Variants in DPP10 observed in about 807,000 individuals in gnomAD.
DPP10 encodes the protein inactive dipeptidyl peptidase 10.
DPP10 carries 33 observed loss-of-function variants against 120.9 expected under a neutral mutation model. The ratio of observed to expected loss-of-function variants is 0.27; its 90% confidence interval spans 0.21 to 0.37. DPP10 has a LOEUF of 0.37. Ranked by LOEUF, DPP10 falls within the 10% of genes least tolerant of loss-of-function variation. The pLI is 1.00. For missense variants in DPP10, 816 were observed against 942.8 expected (o/e 0.87, Z 1.76); for synonymous variants, 337 against 326.1 (o/e 1.03, Z -0.36).
chr2:115,764,357 A>G (rs529680085), intron 12 of DPP10, among the ~76,000 whole-genome samples: 1 of 152,092 alleles, frequency 6.6e-6, no homozygotes, highest in Non-Finnish European at 1.5e-5. Context: ...TTACGAGTAT[A>G]TGTGTCTTTG....
intron 1 of DPP10, among the ~76,000 whole-genome samples, chr2:115,112,207 A>C (rs11903766): frequency 0.36 from 54,113 of 151,916 alleles, 10,797 homozygotes; most frequent in Non-Finnish European, 0.44. Context: ...TATTTTTTCC[A>C]TTAAAATAAT....
At chr2:114,679,256 A>C (rs1371922658) in intron 1 of DPP10, among the ~76,000 whole-genome samples, 1 of 152,116 alleles carries the variant, frequency 6.6e-6, no homozygotes, top group East Asian at 1.9e-4. Context: ...GTTGTAATAC[A>C]AAAAAGCCTC....
chr2:115,430,165 C>T (rs780147061), intron 3 of DPP10, among the ~76,000 whole-genome samples: 1 of 152,020 alleles, frequency 6.6e-6, no homozygotes, highest in Admixed American at 6.6e-5. Context: ...TTTTAATGAG[C>T]AGATGATTGA....
chr2:115,555,290 A>G (rs191752737), intron 5 of DPP10, among the ~76,000 whole-genome samples: 394 of 152,250 alleles, frequency 2.6e-3, no homozygotes, highest in Non-Finnish European at 3.9e-3. Flanking sequence ...GAGCTGTGGC[A>G]TGTGAATTAA....
At chr2:114,617,426 G>GA (rs1693756231) in intron 1 of DPP10, among the ~76,000 whole-genome samples, 2 of 152,100 alleles carry the variant, frequency 1.3e-5, no homozygotes, top group Admixed American at 6.6e-5. Context: ...TTATGGCAAA[G>GA]ATGTTAATGC....
intron 3 of DPP10, among the ~76,000 whole-genome samples, chr2:115,449,694 C>T (rs2104954179): frequency 6.6e-6 from 1 of 152,128 alleles, no homozygotes; most frequent in East Asian, 1.9e-4. Context: ...GCCATTTGGC[C>T]TTAAGCTCCA....
chr2:115,357,204 G>A (rs2064449037), intron 3 of DPP10, among the ~76,000 whole-genome samples: 1 of 152,130 alleles, frequency 6.6e-6, no homozygotes, highest in Admixed American at 6.6e-5. Context: ...AATGGATAAT[G>A]GTCCAAGTTC....
intron 1 of DPP10, among the ~76,000 whole-genome samples, chr2:115,168,665 A>G (rs1345529210): frequency 6.6e-6 from 1 of 152,194 alleles, no homozygotes; most frequent in East Asian, 1.9e-4. Flanking sequence ...CACGGTAGAC[A>G]TTCTTATCAT....
chr2:115,620,971 CAG>C (rs1270674106), intron 5 of DPP10, among the ~76,000 whole-genome samples: 1 of 152,114 alleles, frequency 6.6e-6, no homozygotes, highest in Non-Finnish European at 1.5e-5. Flanking sequence ...TAAAAACCTC[CAG>C]AGACTTCAAA....
chr2:115,816,703 A>G (rs565222880), intron 21 of DPP10, among the ~76,000 whole-genome samples: 1 of 143,002 alleles, frequency 7.0e-6, no homozygotes, highest in Non-Finnish European at 1.5e-5. Context: ...TGCAACCTCC[A>G]CCTCCCAGGT....
chr2:115,009,229 C>G (rs1263561450), intron 1 of DPP10, among the ~76,000 whole-genome samples: 1 of 150,556 alleles, frequency 6.6e-6, no homozygotes, highest in African/African-American at 2.5e-5. Context: ...CACATATACA[C>G]CATGGAATAC....
At chr2:115,115,706 G>A (rs1019735844) in intron 1 of DPP10, among the ~76,000 whole-genome samples, 6 of 152,168 alleles carry the variant, frequency 3.9e-5, no homozygotes, top group African/African-American at 1.2e-4. Context: ...TTTTAAGTTA[G>A]ATGAAATATT....
At chr2:114,978,020 T>C (rs1699859150) in intron 1 of DPP10, among the ~76,000 whole-genome samples, 1 of 152,224 alleles carries the variant, frequency 6.6e-6, no homozygotes, top group South Asian at 2.1e-4. Flanking sequence ...ATCTCTAAAA[T>C]TCTACCAGAC....
intron 1 of DPP10, among the ~76,000 whole-genome samples, chr2:114,877,767 G>A (rs1014741841): frequency 6.6e-6 from 1 of 151,960 alleles, no homozygotes; most frequent in Non-Finnish European, 1.5e-5. Flanking sequence ...GTGGAGTCAT[G>A]AAGCCATGAA....
chr2:114,454,195 A>G (rs1678438225), intron 1 of DPP10, among the ~76,000 whole-genome samples: 1 of 152,096 alleles, frequency 6.6e-6, no homozygotes, highest in Non-Finnish European at 1.5e-5. Context: ...GAATACTCCA[A>G]ATGGTGCTAT....
intron 5 of DPP10, among the ~76,000 whole-genome samples, chr2:115,639,722 T>C (rs2086627693): frequency 6.6e-6 from 1 of 151,986 alleles, no homozygotes; most frequent in Non-Finnish European, 1.5e-5. Context: ...TTCTGAAACC[T>C]CCTTGCAGAC....
At chr2:115,829,992 A>G (rs1688754117) in intron 21 of DPP10, among the ~76,000 whole-genome samples, 1 of 152,078 alleles carries the variant, frequency 6.6e-6, no homozygotes, top group Non-Finnish European at 1.5e-5. Context: ...TTTTTTAAGA[A>G]TTATGTGTAA....
intron 7 of DPP10, among the ~76,000 whole-genome samples, chr2:115,697,523 T>C (rs1261634385): frequency 6.6e-6 from 1 of 151,848 alleles, no homozygotes; most frequent in African/African-American, 2.4e-5. Flanking sequence ...CAAACATTTA[T>C]ATACCTAATA....
intron 1 of DPP10, among the ~76,000 whole-genome samples, chr2:115,228,526 A>G (rs1186123994): frequency 6.6e-6 from 1 of 151,928 alleles, no homozygotes; most frequent in Non-Finnish European, 1.5e-5. Flanking sequence ...CTACCACACT[A>G]CCATTCCCAG....
Sources: gnomAD v4.1 joint callset for allele counts (sites outside exome capture counted in the v4.1 genomes callset) on GRCh38, gnomAD v4.1.1 for gene constraint, MANE v1.5 for transcripts, NCBI Gene and HGNC (gene_info 2026-07-23, HGNC 2026-07-21) for gene names.